The following TAF4B variants were observed in gnomAD, a reference collection of about 807,000 sequenced individuals.
The protein encoded by TAF4B is transcription initiation factor TFIID subunit 4B.
In TAF4B, 38 loss-of-function variants were observed where a neutral mutation model predicts 86.4. The observed-to-expected ratio is 0.44, with a 90% CI of 0.34 to 0.58. The LOEUF (loss-of-function observed/expected upper bound fraction) is 0.58. TAF4B is among the 20% of genes least tolerant of loss of function. The probability of loss-of-function intolerance (pLI) is 0.02; values close to 1 mark genes in which losing one functional copy is unlikely to be tolerated. For missense variants in TAF4B, 988 were observed against 1,027.6 expected (o/e 0.96, Z 0.53); for synonymous variants, 388 against 391.2 (o/e 0.99, Z 0.10).
chr18:26,389,516 G>T (rs1978579841), intron 14 of TAF4B, among the ~76,000 whole-genome samples: 1 of 152,186 alleles, frequency 6.6e-6, no homozygotes, highest in African/African-American at 2.4e-5. Context: ...ACTCTCAAAA[G>T]ATTTGTGTAA....
chr18:26,374,359 C>G (rs2057428182), intron 14 of TAF4B, among the ~76,000 whole-genome samples: 1 of 152,180 alleles, frequency 6.6e-6, no homozygotes, highest in African/African-American at 2.4e-5. Flanking sequence ...CCTGCTTCTT[C>G]TATAATTTAG....
intron 11 of TAF4B, among the ~76,000 whole-genome samples, chr18:26,323,913 T>C (rs2056983061): frequency 1.3e-5 from 2 of 152,270 alleles, no homozygotes; most frequent in South Asian, 2.1e-4. Context: ...ACATTTAAAA[T>C]GTAATTACTG....
At chr18:26,278,051 C>G (rs1202987756) in intron 5 of TAF4B, among the ~76,000 whole-genome samples, 2 of 152,002 alleles carry the variant, frequency 1.3e-5, no homozygotes, top group South Asian at 4.1e-4. Flanking sequence ...TAACAAATAC[C>G]CAAGTCTGAA....
intron 10 of TAF4B, among the ~76,000 whole-genome samples, chr18:26,315,722 C>G (rs2056904429): frequency 6.6e-6 from 1 of 151,836 alleles, no homozygotes; most frequent in South Asian, 2.1e-4. Context: ...TATATATGTA[C>G]AAATGCACAC....
intron 9 of TAF4B, among the ~76,000 whole-genome samples, chr18:26,312,794 C>T (rs1198583567): frequency 1.3e-5 from 2 of 152,086 alleles, no homozygotes; most frequent in African/African-American, 2.4e-5. Context: ...GTTACCCGCA[C>T]GTTAAAACTC....
At chr18:26,232,475 CA>C in intron 1 of TAF4B, among the ~76,000 whole-genome samples, 1 of 152,080 alleles carries the variant, frequency 6.6e-6, no homozygotes, top group South Asian at 2.1e-4. Flanking sequence ...CTGAAGGAAA[CA>C]AATTTGACAA....
chr18:26,226,840 C>T lies in TAF4B; in HGVS notation c.-94C>T, dbSNP rs1488637101. On this transcript the variant is annotated 5_prime_UTR_variant, in exon 1 of 15. Transcript: ENST00000269142. ...CTCTCCCCAGCGATGCTGTGGAACC[C>T]GAACCGCACCGGAGTCGGCTGCCGC... is the stretch of plus-strand genomic sequence containing the variant. The T allele has an allele frequency of 1.9e-6, 2 of 1,073,930 alleles. No individual in the cohort carries two copies. Among genetic ancestry groups the T allele is most frequent in the African/African-American group, 1.7e-5 (1 of 59,558 alleles). 66.5% of individuals were successfully genotyped at this position (1,073,930 alleles called of 1,614,324 possible). A position where few individuals can be genotyped will look rare whatever the true frequency, so the allele number is the denominator to read the frequency against.
chr18:26,289,051 G>T (rs1019590039), intron 7 of TAF4B, among the ~76,000 whole-genome samples: 4 of 152,156 alleles, frequency 2.6e-5, no homozygotes, highest in Non-Finnish European at 5.9e-5. Context: ...AAGACAGATT[G>T]TAATTTATTT....
chr18:26,369,309 A>G (rs1598835034), intron 14 of TAF4B, among the ~76,000 whole-genome samples: 1 of 152,342 alleles, frequency 6.6e-6, no homozygotes, highest in African/African-American at 2.4e-5. Flanking sequence ...AGTTGGGGAA[A>G]ATGAAATACC....
chr18:26,331,879 T>G (rs779318004), intron 12 of TAF4B, among the ~76,000 whole-genome samples: 7 of 152,220 alleles, frequency 4.6e-5, no homozygotes, highest in African/African-American at 7.2e-5. Context: ...GTGTGTCTCT[T>G]TTGCCTAAAA....
intron 9 of TAF4B, among the ~76,000 whole-genome samples, chr18:26,296,149 A>G (rs766077975): frequency 6.6e-6 from 1 of 150,942 alleles, no homozygotes; most frequent in Non-Finnish European, 1.5e-5. Flanking sequence ...TGCCTCTTTT[A>G]TTAGAGTTTT....
chr18:26,286,002 C>G lies in TAF4B; in HGVS notation c.1093C>G (p.Pro365Ala), dbSNP rs2144595677. ...CTGTACTACAACAGTAACAACTTCT[C>G]CTGTGGTGACAACTACAGTGTCCTC... ...ATCTTTVTTS[P>A]VVTTTVSSSQ... Residue 365 changes from proline (P) to alanine (A), a missense_variant, in exon 7 of 15, where the codon CCT becomes GCT. Physicochemically the swap from Pro to Ala is conservative, Grantham distance 27. Coordinates refer to ENST00000269142, the MANE Select transcript of TAF4B (RefSeq NM_005640.3). 1 of 1,614,210 alleles carries G rather than the reference C, an allele frequency of 6.2e-7. No individual in the cohort carries two copies. Among genetic ancestry groups the G allele is most frequent in the East Asian group, 2.2e-5 (1 of 44,888 alleles).
At chr18:26,240,740 T>C (rs1013363734) in intron 1 of TAF4B, among the ~76,000 whole-genome samples, 4 of 152,224 alleles carry the variant, frequency 2.6e-5, no homozygotes, top group African/African-American at 7.2e-5. Context: ...ATAGCTCTTA[T>C]TATTTTGAGA....
Position 26,227,076 on chromosome 18 carries a change from C to G in TAF4B, c.143C>G (p.Ala48Gly). ...GTGGCCCTGGGCGCCGTGACTAAGG[C>G]TCCTGTCAGCGTCTGCGTGGAGCCC... The part of the protein sequence containing the change: ...TPVALGAVTK[A>G]PVSVCVEPTA... Residue 48 changes from alanine to glycine, a missense_variant, in exon 1 of 15, where the codon GCT (alanine) becomes GGT (glycine). Physicochemically the swap from Ala to Gly is moderately conservative, Grantham distance 60. Transcript: ENST00000269142. The G allele has an allele frequency of 6.2e-7, 1 of 1,605,710 alleles. No individual in the cohort carries two copies. Among genetic ancestry groups the G allele is most frequent in the South Asian group, 1.1e-5 (1 of 90,584 alleles).
At chr18:26,351,050 A>G (rs1448097554) in intron 13 of TAF4B, among the ~76,000 whole-genome samples, 1 of 152,206 alleles carries the variant, frequency 6.6e-6, no homozygotes, top group Non-Finnish European at 1.5e-5. Flanking sequence ...TCACAGAGAC[A>G]TCTGTACCCC....
intron 13 of TAF4B, among the ~76,000 whole-genome samples, chr18:26,340,955 G>A (rs1307793473): frequency 1.3e-5 from 2 of 152,030 alleles, no homozygotes; most frequent in Non-Finnish European, 2.9e-5. Context: ...AACTTTAATG[G>A]TAGTATTTCT....
chr18:26,267,224 T>A, intron 2 of TAF4B: 1 of 215,844 alleles, frequency 4.6e-6, no homozygotes, highest in South Asian at 1.6e-4. Flanking sequence ...AACCAAAGAG[T>A]CAAGATTAAG....
At chr18:26,365,601 G>A (rs1010889588) in intron 14 of TAF4B, among the ~76,000 whole-genome samples, 15 of 152,138 alleles carry the variant, frequency 9.9e-5, no homozygotes, top group Admixed American at 8.5e-4. Context: ...GACAGAGTCC[G>A]TGGCTTTGTC....
At position 26,287,461 on chromosome 18, in the gene TAF4B, G is replaced by A. The variant is rs984631683; in HGVS notation, c.1590+962G>A. ...GTTGGGAGGTTCTTGGGTGAAAGAA[G>A]GAAATTTTAGCTGTTTGTCGATTAG... On this transcript the variant is annotated intron_variant, in intron 7 of 14. Coordinates refer to ENST00000269142, the MANE Select transcript of TAF4B (RefSeq NM_005640.3). Among the ~76,000 whole-genome samples the A allele has an allele frequency of 3.3e-5, 5 of 152,280 alleles. No homozygotes were observed. In the South Asian group the frequency reaches 1.0e-3, roughly 32 times the overall value.
Sources: allele counts gnomAD v4.1 joint callset (sites outside exome capture counted in the v4.1 genomes callset), GRCh38; gene constraint gnomAD v4.1.1; transcripts MANE v1.5; gene names NCBI Gene and HGNC (gene_info 2026-07-23, HGNC 2026-07-21).